Variants in ADAMTS3 observed in about 807,000 individuals in gnomAD.
ADAMTS3 encodes ADAM metallopeptidase with thrombospondin type 1 motif 3.
A neutral mutation model predicts 129.0 loss-of-function variants in ADAMTS3; 73 were observed. The observed-to-expected ratio is 0.57, with a 90% confidence interval of 0.47 to 0.69. ADAMTS3 has a LOEUF of 0.69. Among genes scored for constraint, ADAMTS3 ranks in the 30% least tolerant of loss-of-function variants. ADAMTS3 has a pLI of 0.00. For missense variants in ADAMTS3, 1,457 were observed against 1,514.5 expected (o/e 0.96, Z 0.63); for synonymous variants, 477 against 510.8 (o/e 0.93, Z 0.89).
chr4:72,393,217 C>T (rs1254977695), intron 4 of ADAMTS3, among the ~76,000 whole-genome samples: 1 of 152,138 alleles, frequency 6.6e-6, no homozygotes, highest in African/African-American at 2.4e-5. Context: ...AGCCACCGCG[C>T]CTGGCCTCCA....
At chr4:72,515,289 T>C (rs1720435925) in intron 3 of ADAMTS3, among the ~76,000 whole-genome samples, 1 of 151,318 alleles carries the variant, frequency 6.6e-6, no homozygotes, top group Non-Finnish European at 1.5e-5. Context: ...AGTGCCGCAA[T>C]AAACATACAT....
At chr4:72,468,025 C>T in intron 3 of ADAMTS3, among the ~76,000 whole-genome samples, 1 of 152,004 alleles carries the variant, frequency 6.6e-6, no homozygotes, top group East Asian at 1.9e-4. Context: ...TTCCAGCAGC[C>T]ACACTTTCTC....
At chr4:72,555,899 G>T (rs6821492) in intron 2 of ADAMTS3, among the ~76,000 whole-genome samples, 73,312 of 151,326 alleles carry the variant, frequency 0.48, 18,962 homozygotes, top group Admixed American at 0.61. Context: ...ATGAAGATGT[G>T]CTTGCTTCCC....
intron 4 of ADAMTS3, among the ~76,000 whole-genome samples, chr4:72,393,721 A>G (rs1721659108): frequency 6.6e-6 from 1 of 152,198 alleles, no homozygotes; most frequent in East Asian, 1.9e-4. Flanking sequence ...CACTTATATC[A>G]TTTTATTAAT....
chr4:72,454,698 G>C (rs574909349), intron 3 of ADAMTS3, among the ~76,000 whole-genome samples: 1 of 151,704 alleles, frequency 6.6e-6, no homozygotes, highest in African/African-American at 2.4e-5. Flanking sequence ...CCAGGAGAAG[G>C]ATATTAACAA....
At chr4:72,314,377 T>C (rs1271698894) in intron 11 of ADAMTS3, among the ~76,000 whole-genome samples, 2 of 152,168 alleles carry the variant, frequency 1.3e-5, no homozygotes, top group South Asian at 2.1e-4. Flanking sequence ...ATGAGGAAAA[T>C]TGAGGCCCAG....
At chr4:72,290,830 G>A in intron 20 of ADAMTS3, 25 bp downstream of exon 20, 1 of 1,604,692 alleles carries the variant, frequency 6.2e-7, no homozygotes, top group Non-Finnish European at 8.5e-7. Context: ...CTTTACTTAT[G>A]CATGCACGGA....
chr4:72,344,475 C>T (rs1415916000), intron 4 of ADAMTS3, among the ~76,000 whole-genome samples: 1 of 152,026 alleles, frequency 6.6e-6, no homozygotes, highest in African/African-American at 2.4e-5. Flanking sequence ...AACCATCTAC[C>T]CAATATTCAT....
chr4:72,467,001 C>A (rs1305898255), intron 3 of ADAMTS3, among the ~76,000 whole-genome samples: 1 of 152,020 alleles, frequency 6.6e-6, no homozygotes, highest in Non-Finnish European at 1.5e-5. Flanking sequence ...TAAAACCTCA[C>A]TATATCTCTG....
chr4:72,354,246 T>C (rs561950618), intron 4 of ADAMTS3, among the ~76,000 whole-genome samples: 9 of 152,078 alleles, frequency 5.9e-5, no homozygotes, highest in Non-Finnish European at 1.0e-4. Flanking sequence ...AGTGTCATCC[T>C]CCCAACCTGT....
At chr4:72,529,127 A>C (rs1459104850) in intron 3 of ADAMTS3, among the ~76,000 whole-genome samples, 1 of 152,182 alleles carries the variant, frequency 6.6e-6, no homozygotes, top group Non-Finnish European at 1.5e-5. Context: ...AGAAAAGAAT[A>C]TTCTTACAGA....
intron 3 of ADAMTS3, among the ~76,000 whole-genome samples, chr4:72,447,302 G>A (rs191716516): frequency 5.2e-4 from 79 of 151,776 alleles, no homozygotes; most frequent in African/African-American, 1.9e-3. Context: ...TCAATATCAT[G>A]GGAGGAACCC....
intron 19 of ADAMTS3, among the ~76,000 whole-genome samples, chr4:72,292,270 G>C (rs1289170358): frequency 2.0e-5 from 3 of 152,120 alleles, no homozygotes; most frequent in African/African-American, 7.2e-5. Flanking sequence ...GTCTTTTTCT[G>C]GGTTGGACGA....
chr4:72,288,762 G>C lies in ADAMTS3; in HGVS notation c.3038C>G (p.Pro1013Arg), dbSNP rs748223007. Residue 1013 changes from proline to arginine, a missense_variant, in exon 21 of 22, where the codon CCT becomes CGT. Coordinates refer to ENST00000286657, the MANE Select transcript of ADAMTS3 (RefSeq NM_014243.3). The stretch of plus-strand genomic sequence containing the variant: ...GGTGTGACACCTACCATTACAAGGA[G>C]GCAGTTGACAGGCTCTGACCGACTC... ...KPESVRACQLPPCNDEPCLGD... is the reference protein window; with the variant it reads ...KPESVRACQLRPCNDEPCLGD... The C allele has an allele frequency of 9.3e-6, 15 of 1,610,778 alleles. No individual in the cohort carries two copies. Among genetic ancestry groups the C allele is most frequent in the Non-Finnish European group, 1.3e-5 (15 of 1,177,172 alleles).
intron 4 of ADAMTS3, among the ~76,000 whole-genome samples, chr4:72,407,673 A>C (rs2109916979): frequency 6.6e-6 from 1 of 152,296 alleles, no homozygotes; most frequent in African/African-American, 2.4e-5. Flanking sequence ...ATGGCCACAA[A>C]GACTTAAGAT....
chr4:72,377,280 T>A (rs771496742), intron 4 of ADAMTS3, among the ~76,000 whole-genome samples: 3 of 152,162 alleles, frequency 2.0e-5, no homozygotes, highest in Non-Finnish European at 2.9e-5. Flanking sequence ...CTCACAAACA[T>A]CTACCCAAAT....
intron 3 of ADAMTS3, among the ~76,000 whole-genome samples, chr4:72,468,275 T>C (rs1179377522): frequency 6.6e-6 from 1 of 152,122 alleles, no homozygotes; most frequent in Non-Finnish European, 1.5e-5. Context: ...TTGCCATGGA[T>C]ATGATGCCAA....
intron 5 of ADAMTS3, among the ~76,000 whole-genome samples, chr4:72,337,278 AT>A (rs139291781): frequency 0.037 from 5,658 of 152,216 alleles, 349 homozygotes; most frequent in African/African-American, 0.13. Context: ...CTATTATCTA[AT>A]TTTTTTAATG....
chr4:72,433,103 ATCT>A (rs1009719204), intron 3 of ADAMTS3, among the ~76,000 whole-genome samples: 30 of 152,014 alleles, frequency 2.0e-4, no homozygotes, highest in South Asian at 8.3e-4. Flanking sequence ...TTTCCCGATA[ATCT>A]TCTTATGATG....
Sources: gnomAD v4.1 joint callset for allele counts (sites outside exome capture counted in the v4.1 genomes callset) on GRCh38, gnomAD v4.1.1 for gene constraint, MANE v1.5 for transcripts, NCBI Gene and HGNC (gene_info 2026-07-23, HGNC 2026-07-21) for gene names.